NTN4: variants seen among roughly 807,000 people sequenced by gnomAD.
The protein encoded by NTN4 is netrin 4.
In NTN4, 32 loss-of-function variants were observed where a neutral mutation model predicts 73.6. The ratio of observed to expected loss-of-function variants is 0.44; its 90% CI spans 0.33 to 0.58. NTN4 has a LOEUF of 0.58. NTN4 is among the 20% of genes least tolerant of loss of function. NTN4 has a pLI of 0.04. For missense variants in NTN4, 654 were observed against 798.3 expected (o/e 0.82, Z 2.18); for synonymous variants, 258 against 287.5 (o/e 0.90, Z 1.04).
At chr12:95,730,788 C>T (rs1294222643) in intron 3 of NTN4, among the ~76,000 whole-genome samples, 6 of 152,170 alleles carry the variant, frequency 3.9e-5, no homozygotes, top group Non-Finnish European at 8.8e-5. Flanking sequence ...TGAGGATAGG[C>T]TCACACTAAT....
intron 2 of NTN4, among the ~76,000 whole-genome samples, chr12:95,784,761 A>G (rs1296438457): frequency 6.7e-6 from 1 of 150,274 alleles, no homozygotes; most frequent in African/African-American, 2.5e-5. Context: ...AGCGGGACTC[A>G]GTCTCAAAAA....
At chr12:95,713,149 G>A (rs1004362276) in intron 4 of NTN4, 63 bp downstream of exon 4, 1 of 1,562,986 alleles carries the variant, frequency 6.4e-7, no homozygotes, top group African/African-American at 1.4e-5. Flanking sequence ...GAGACAACAA[G>A]GAGTCCACAG....
rs369065533 is a variant in NTN4 at position 95,693,459 on chromosome 12, G to A, written c.1181-9748C>T. 1.3e-3 allele frequency among the ~76,000 whole-genome samples: 205 copies of A among 152,044 alleles called. 3 individuals are homozygous for A. The South Asian group carries it at 0.042, about 31-fold the overall frequency. ...AAAAATTAACTTATTGGCCAGGTGC[G>A]GAAGCTCATGCCTGTAATCACAGCA... is the stretch of plus-strand genomic sequence containing the variant. On this transcript the variant is annotated intron_variant, in intron 5 of 9. Transcript: ENST00000343702.
At chr12:95,769,523 G>T (rs2079041557) in intron 2 of NTN4, among the ~76,000 whole-genome samples, 1 of 142,908 alleles carries the variant, frequency 7.0e-6, no homozygotes, top group Non-Finnish European at 1.5e-5. Context: ...TGCCACCGCA[G>T]CCAGTGGTGG....
chr12:95,730,922 C>T (rs2078732508), intron 3 of NTN4, among the ~76,000 whole-genome samples: 1 of 152,158 alleles, frequency 6.6e-6, no homozygotes, highest in African/African-American at 2.4e-5. Context: ...GTTGCTGGTG[C>T]TTTTCATCAG....
At position 95,659,135 on chromosome 12, in the gene NTN4, G is replaced by A; in HGVS notation, c.1838C>T (p.Pro613Leu). ...ATCCATGACTTTTCTTCCAAGAGAA[G>A]GTTTCCAGTGCTGGACAAAGCTTTT... ...NMKSFVQHWK[P>L]SLGRKVMDIL... The change falls in exon 10 of 10, where the codon CCT becomes CTT. Residue 613 changes from proline (P) to leucine (L), a missense_variant. Physicochemically the swap from Pro to Leu is moderately conservative, Grantham distance 98 (BLOSUM62 -3). Transcript: ENST00000343702. 1 of 1,613,592 alleles carries A rather than the reference G, an allele frequency of 6.2e-7. No individual in the cohort carries two copies. Among genetic ancestry groups the A allele is most frequent in the East Asian group, 2.2e-5 (1 of 44,862 alleles).
rs569131473 is a variant in NTN4, at chr12:95,757,256, A to C, written c.586-19112T>G. On this transcript the variant is annotated intron_variant, in intron 2 of 9. Transcript: ENST00000343702. ...TTTATCTCATTTCATCCTTATAGTA[A>C]ATCTATGATGTGGTATTATCCATTC... Among the ~76,000 whole-genome samples the C allele has an allele frequency of 7.9e-5, 12 of 152,204 alleles. No homozygotes were observed. The East Asian group carries it at 1.7e-3, about 22-fold the overall frequency.
intron 5 of NTN4, among the ~76,000 whole-genome samples, chr12:95,706,637 G>A (rs2078523847): frequency 6.6e-6 from 1 of 152,088 alleles, no homozygotes; most frequent in Non-Finnish European, 1.5e-5. Flanking sequence ...GGCAGTTAAG[G>A]CCCTCTCAAA....
Position 95,790,313 on chromosome 12 carries a change from C to A in NTN4, c.-4G>T. 3 of 1,527,496 alleles carry A rather than the reference C, an allele frequency of 2.0e-6. No homozygotes were observed. The highest frequency in any genetic ancestry group is 1.8e-6 in the Non-Finnish European group (2 of 1,138,220). 94.6% of individuals were successfully genotyped at this position (1,527,496 alleles called of 1,614,324 possible). On this transcript the variant is annotated 5_prime_UTR_variant, in exon 1 of 10. Transcript: ENST00000343702. The surrounding 1 kb of genome is among the most constrained non-coding windows in gnomAD (Gnocchi z 6.5). The stretch of plus-strand genomic sequence containing the variant: ...GCAGCCGCGCGCAGCTCCCCATGGC[C>A]GGGAGGAGCCGGGAGCAGCCGGGCC...
At chr12:95,675,876 G>GA (rs1178124375) in intron 7 of NTN4, among the ~76,000 whole-genome samples, 3 of 151,972 alleles carry the variant, frequency 2.0e-5, no homozygotes, top group Non-Finnish European at 2.9e-5. Flanking sequence ...AGGAGGCTGG[G>GA]AAAAAACAAT....
chr12:95,791,009 C>A (rs2079207140), upstream of NTN4: 1 of 151,600 alleles, frequency 6.6e-6, no homozygotes, highest in Non-Finnish European at 1.5e-5. The surrounding 1 kb of genome is among the most constrained non-coding windows in gnomAD (Gnocchi z 4.0). Context: ...GCCTGGCCCC[C>A]GGCTGCCCTG....
intron 4 of NTN4, among the ~76,000 whole-genome samples, chr12:95,711,117 C>G: frequency 6.6e-6 from 1 of 152,124 alleles, no homozygotes; most frequent in East Asian, 1.9e-4. Flanking sequence ...TAGCCTCGGC[C>G]TCCCCATTTA....
intron 3 of NTN4, among the ~76,000 whole-genome samples, chr12:95,718,352 C>T (rs978359919): frequency 2.6e-5 from 4 of 152,152 alleles, no homozygotes; most frequent in African/African-American, 7.2e-5. Context: ...GAGTTTGAAA[C>T]TGACCAGCCA....
At chr12:95,662,195 C>T (rs1169032985) in intron 9 of NTN4, among the ~76,000 whole-genome samples, 1 of 148,792 alleles carries the variant, frequency 6.7e-6, no homozygotes, top group Non-Finnish European at 1.5e-5. Flanking sequence ...CCCCTCCCCT[C>T]CCCTTCCCTC....
At position 95,682,827 on chromosome 12, in the gene NTN4, C is replaced by A. The variant is rs2078329648; in HGVS notation, c.1395-5G>T. 6.5e-7 allele frequency: 1 copy of A among 1,531,540 alleles called. No individual in the cohort carries two copies. The highest frequency in any genetic ancestry group is 1.1e-5 in the South Asian group (1 of 88,216). 94.9% of individuals were successfully genotyped at this position (1,531,540 alleles called of 1,614,324 possible). On this transcript the variant is annotated splice_polypyrimidine_tract_variant and splice_region_variant and intron_variant, in intron 6 of 9. Transcript: ENST00000343702. The stretch of plus-strand genomic sequence containing the variant: ...TACCAGTCTATGTCTGTGTGGCTAA[C>A]AAAATAGAACATGATAAAGAACGTA...
At chr12:95,755,971 A>G (rs1477068082) in intron 2 of NTN4, among the ~76,000 whole-genome samples, 1 of 152,228 alleles carries the variant, frequency 6.6e-6, no homozygotes, top group African/African-American at 2.4e-5. Flanking sequence ...CTTGAAGTCA[A>G]AGGATCTGAG....
intron 3 of NTN4, among the ~76,000 whole-genome samples, chr12:95,725,595 T>C (rs1434804847): frequency 6.6e-6 from 1 of 152,170 alleles, no homozygotes; most frequent in Non-Finnish European, 1.5e-5. Flanking sequence ...CAGTATTCTA[T>C]ACAGGGCACA....
chr12:95,695,147 G>T (rs1302709429), intron 5 of NTN4, among the ~76,000 whole-genome samples: 1 of 151,720 alleles, frequency 6.6e-6, no homozygotes, highest in East Asian at 1.9e-4. Flanking sequence ...AATGACGCTT[G>T]AATCAGTTTA....
intron 2 of NTN4, among the ~76,000 whole-genome samples, chr12:95,775,780 G>A (rs1340005564): frequency 2.0e-5 from 3 of 152,254 alleles, no homozygotes; most frequent in African/African-American, 7.2e-5. Flanking sequence ...ATAAAAGGCA[G>A]CAGAAACCTC....
Sources: gnomAD v4.1 joint callset for allele counts (sites outside exome capture counted in the v4.1 genomes callset) on GRCh38, gnomAD v4.1.1 for gene constraint, Gnocchi (gnomAD v3.1) non-coding constraint, MANE v1.5 for transcripts, NCBI Gene and HGNC (gene_info 2026-07-23, HGNC 2026-07-21) for gene names.